CNTNAP5: variants seen among roughly 807,000 people sequenced by gnomAD.
CNTNAP5 encodes the protein contactin-associated protein-like 5.
Under a neutral mutation model 150.2 loss-of-function variants are expected in CNTNAP5, and 72 were observed. The ratio of observed to expected loss-of-function variants is 0.48; its 90% confidence interval spans 0.40 to 0.58. CNTNAP5 has a LOEUF of 0.58. Among genes scored for constraint, CNTNAP5 ranks in the 20% least tolerant of loss-of-function variants. The pLI is 0.00. For synonymous variants in CNTNAP5, 672 were observed against 619.8 expected (o/e 1.08, Z -1.25); for missense variants, 1,636 against 1,626.2 (o/e 1.01, Z -0.10).
At chr2:124,367,217 C>T (rs1690398147) in intron 3 of CNTNAP5, among the ~76,000 whole-genome samples, 1 of 152,144 alleles carries the variant, frequency 6.6e-6, no homozygotes, top group Non-Finnish European at 1.5e-5. Context: ...AACCATTGGA[C>T]TGGTGGCAGG....
At chr2:124,056,543 G>A (rs1339249429) in intron 1 of CNTNAP5, among the ~76,000 whole-genome samples, 3 of 152,184 alleles carry the variant, frequency 2.0e-5, no homozygotes, top group Non-Finnish European at 2.9e-5. Context: ...CTACTCAGGC[G>A]GCTGAGGCAG....
chr2:124,857,555 G>A (rs1018834338), intron 19 of CNTNAP5, among the ~76,000 whole-genome samples: 1 of 152,070 alleles, frequency 6.6e-6, no homozygotes, highest in Non-Finnish European at 1.5e-5. Flanking sequence ...GCCAGGCAGG[G>A]GAGCTCATGC....
At chr2:124,360,592 T>C (rs1573940943) in intron 3 of CNTNAP5, among the ~76,000 whole-genome samples, 1 of 137,688 alleles carries the variant, frequency 7.3e-6, no homozygotes, top group East Asian at 2.2e-4. Context: ...GGATATGAAA[T>C]TCTGGGTTGA....
chr2:124,649,047 C>T (rs991346374), intron 13 of CNTNAP5, among the ~76,000 whole-genome samples: 8 of 152,152 alleles, frequency 5.3e-5, no homozygotes, highest in African/African-American at 1.9e-4. Flanking sequence ...GTCACTTATC[C>T]TTTTAAGCAC....
chr2:124,856,767 A>G (rs970712173), intron 19 of CNTNAP5, among the ~76,000 whole-genome samples: 7 of 152,146 alleles, frequency 4.6e-5, no homozygotes, highest in Non-Finnish European at 1.0e-4. Context: ...AACATATCCT[A>G]CTTCAGGAGG....
intron 18 of CNTNAP5, among the ~76,000 whole-genome samples, chr2:124,794,730 A>G (rs1193182298): frequency 6.6e-6 from 1 of 152,150 alleles, no homozygotes; most frequent in African/African-American, 2.4e-5. Flanking sequence ...TCTAACTTCA[A>G]CAGTTACAAA....
intron 13 of CNTNAP5, among the ~76,000 whole-genome samples, chr2:124,656,266 C>G (rs1317185460): frequency 6.6e-6 from 1 of 152,158 alleles, no homozygotes; most frequent in Non-Finnish European, 1.5e-5. Flanking sequence ...CTTTCTAACT[C>G]AAAGTCTAGG....
chr2:124,553,419 G>T (rs184830107), intron 10 of CNTNAP5, among the ~76,000 whole-genome samples: 19 of 150,858 alleles, frequency 1.3e-4, no homozygotes, highest in Non-Finnish European at 2.1e-4. Context: ...CAGGAAAATC[G>T]CTTGAACCTA....
rs531346044 is a variant in CNTNAP5 at position 124,033,105 on chromosome 2, C to T, written c.82+7373C>T. ...CTATCATTGGTAATTGATTTGCTGG[C>T]GTAAATTCCATGTCTCTACATTTCT... On this transcript the variant is annotated intron_variant, in intron 1 of 23. Transcript: ENST00000682447. 1.4e-4 allele frequency among the ~76,000 whole-genome samples: 21 copies of T among 151,922 alleles called. No homozygotes were observed. In the South Asian group the frequency reaches 1.7e-3, roughly 12 times the overall value.
At chr2:124,669,462 CCACGTTAAA>C (rs749128200) in intron 13 of CNTNAP5, among the ~76,000 whole-genome samples, 35 of 152,208 alleles carry the variant, frequency 2.3e-4, no homozygotes, top group Non-Finnish European at 4.4e-4. Flanking sequence ...TTGGCTCCTT[CCACGTTAAA>C]CAAGAAGAAG....
At chr2:124,649,869 C>T (rs1025708239) in intron 13 of CNTNAP5, among the ~76,000 whole-genome samples, 1 of 152,276 alleles carries the variant, frequency 6.6e-6, no homozygotes. Flanking sequence ...TCGTAGCTTC[C>T]ATTGCAGCAG....
intron 2 of CNTNAP5, among the ~76,000 whole-genome samples, chr2:124,238,345 G>C (rs1558814355): frequency 6.6e-6 from 1 of 152,032 alleles, no homozygotes; most frequent in East Asian, 1.9e-4. Context: ...GTGACATCAG[G>C]AACAGAGCTG....
chr2:124,269,333 G>T (rs539171014), intron 3 of CNTNAP5, among the ~76,000 whole-genome samples: 18 of 152,176 alleles, frequency 1.2e-4, no homozygotes, highest in African/African-American at 4.3e-4. Flanking sequence ...TTGAGAAGTG[G>T]CCACAGGTCC....
chr2:124,601,263 G>A (rs922168049), intron 11 of CNTNAP5, among the ~76,000 whole-genome samples: 2 of 152,120 alleles, frequency 1.3e-5, no homozygotes, highest in African/African-American at 2.4e-5. Flanking sequence ...CTTCAGCTCC[G>A]AGATATTCCA....
At chr2:124,787,476 A>G (rs1415587700) in intron 17 of CNTNAP5, among the ~76,000 whole-genome samples, 1 of 152,184 alleles carries the variant, frequency 6.6e-6, no homozygotes, top group Non-Finnish European at 1.5e-5. Flanking sequence ...AAATAATTGA[A>G]CACATATTGT....
At chr2:124,545,006 C>T (rs1267569565) in intron 10 of CNTNAP5, among the ~76,000 whole-genome samples, 1 of 152,028 alleles carries the variant, frequency 6.6e-6, no homozygotes, top group Non-Finnish European at 1.5e-5. Context: ...TTAACGATTA[C>T]TAGATCAAAA....
At chr2:124,722,778 C>T (rs1167141790) in intron 13 of CNTNAP5, among the ~76,000 whole-genome samples, 1 of 152,184 alleles carries the variant, frequency 6.6e-6, no homozygotes, top group South Asian at 2.1e-4. Flanking sequence ...AGTGACAGCC[C>T]TTGCAATCTT....
At chr2:124,398,652 A>G (rs1007326015) in intron 3 of CNTNAP5, among the ~76,000 whole-genome samples, 1 of 151,978 alleles carries the variant, frequency 6.6e-6, no homozygotes, top group Non-Finnish European at 1.5e-5. Flanking sequence ...ATGTGCCACC[A>G]TGCCTGGCTA....
chr2:124,105,927 G>A (rs1360187175), intron 1 of CNTNAP5, among the ~76,000 whole-genome samples: 4 of 151,978 alleles, frequency 2.6e-5, no homozygotes, highest in Admixed American at 2.0e-4. Flanking sequence ...ATTAGTCTAC[G>A]GAGGGTAACT....
Sources: allele counts gnomAD v4.1 joint callset (sites outside exome capture counted in the v4.1 genomes callset), GRCh38; gene constraint gnomAD v4.1.1; transcripts MANE v1.5; gene names NCBI Gene and HGNC (gene_info 2026-07-23, HGNC 2026-07-21).